The following ZHX3 variants were observed in gnomAD, a reference collection of about 807,000 sequenced individuals.
The protein encoded by ZHX3 is zinc fingers and homeoboxes 3, also known as zinc fingers and homeoboxes protein 3.
Under a neutral mutation model 64.5 loss-of-function variants are expected in ZHX3, and 20 were observed. The ratio of observed to expected loss-of-function variants is 0.31; its 90% CI spans 0.22 to 0.45. The LOEUF (loss-of-function observed/expected upper bound fraction) is 0.45. ZHX3 is among the 20% of genes least tolerant of loss of function. ZHX3 has a pLI of 1.00. For missense variants in ZHX3, 1,041 were observed against 1,195.8 expected, an observed-to-expected ratio of 0.87 and a Z score of 1.91; for synonymous variants, 423 against 461.6, an observed-to-expected ratio of 0.92 and a Z score of 1.07.
chr20:41,222,657 A>G (rs1449205992), intron 2 of ZHX3, among the ~76,000 whole-genome samples: 2 of 152,238 alleles, frequency 1.3e-5, no homozygotes, highest in Non-Finnish European at 2.9e-5. Context: ...GGTGTGAGAC[A>G]GCGCCTTTCA....
chr20:41,225,742 C>A (rs1456751060), intron 2 of ZHX3, among the ~76,000 whole-genome samples: 1 of 152,180 alleles, frequency 6.6e-6, no homozygotes, highest in Admixed American at 6.5e-5. Context: ...CCTGCCTTGG[C>A]CTCCCAAAGT....
At chr20:41,289,264 G>C (rs900279910) in intron 1 of ZHX3, among the ~76,000 whole-genome samples, 1 of 152,004 alleles carries the variant, frequency 6.6e-6, no homozygotes, top group Non-Finnish European at 1.5e-5. Flanking sequence ...GCCTCCCAAA[G>C]TGCTGGGATT....
intron 1 of ZHX3, among the ~76,000 whole-genome samples, chr20:41,271,613 C>T (rs1297541593): frequency 2.0e-5 from 3 of 152,122 alleles, no homozygotes; most frequent in African/African-American, 7.2e-5. Flanking sequence ...CCAAAAACAG[C>T]ACTGACTGTG....
intron 1 of ZHX3, among the ~76,000 whole-genome samples, chr20:41,296,436 G>C (rs765369272): frequency 3.3e-5 from 5 of 152,066 alleles, no homozygotes; most frequent in Non-Finnish European, 5.9e-5. Context: ...CAAGAGATCT[G>C]AGCTCAAGTT....
chr20:41,202,959 C>G lies in ZHX3; in HGVS notation c.1958G>C (p.Arg653Pro). ...DRLRSETKMT[R>P]REIDSWFSER... ...TGAAAACCAGCTATCAATTTCTCGTCGGGTCATTTTGGTTTCACTTCTCAG... is the reference window on the plus strand; with the variant it reads ...TGAAAACCAGCTATCAATTTCTCGTGGGGTCATTTTGGTTTCACTTCTCAG... The change falls in exon 3 of 4, where the codon CGA becomes CCA. Residue 653 changes from arginine to proline, a missense_variant. Coordinates refer to ENST00000683867, the MANE Select transcript of ZHX3 (RefSeq NM_001384317.1). The surrounding 1 kb of genome is among the most constrained non-coding windows in gnomAD (Gnocchi z 7.0). 1 of 1,614,078 alleles carries G rather than the reference C, an allele frequency of 6.2e-7. No homozygotes were observed. The highest frequency in any genetic ancestry group is 1.3e-5 in the African/African-American group (1 of 74,998).
intron 2 of ZHX3, among the ~76,000 whole-genome samples, chr20:41,218,881 A>G (rs2039734810): frequency 6.6e-6 from 1 of 151,440 alleles, no homozygotes; most frequent in Non-Finnish European, 1.5e-5. Context: ...CAAGGGCTCA[A>G]GGCTAGAGCT....
At chr20:41,248,748 C>T (rs998876603) in intron 2 of ZHX3, among the ~76,000 whole-genome samples, 11 of 152,294 alleles carry the variant, frequency 7.2e-5, no homozygotes, top group Admixed American at 4.6e-4. Context: ...CAGTGTTTGA[C>T]GATGCCAGTT....
chr20:41,289,941 T>TA (rs1427216449), intron 1 of ZHX3, among the ~76,000 whole-genome samples: 2 of 152,212 alleles, frequency 1.3e-5, no homozygotes, highest in East Asian at 3.8e-4. Flanking sequence ...ACCTAGAAAC[T>TA]AAAAACTAAT....
Position 41,204,459 on chromosome 20 carries a change from T to G in ZHX3, c.458A>C (p.Gln153Pro). The change falls in exon 3 of 4, where the codon CAG (glutamine) becomes CCG (proline). Residue 153 changes from glutamine to proline, a missense_variant. Physicochemically the swap from Gln to Pro is moderately conservative, Grantham distance 76. Transcript: ENST00000683867. This position sits in a 1 kb window ranked among gnomAD's most constrained non-coding sequence, Gnocchi z 6.6. ...AGTGCTGGTGCTCTCAGGGATGCTC[T>G]GCTCCACAACCACATGATTGTCTGG... Reference protein sequence around the residue: ...AKPDNHVVVEQSIPESTSTPD... With the variant: ...AKPDNHVVVEPSIPESTSTPD... 2 of 1,614,236 alleles carry G rather than the reference T, an allele frequency of 1.2e-6. No homozygotes were observed. Among genetic ancestry groups the G allele is most frequent in the Non-Finnish European group, 1.7e-6 (2 of 1,180,044 alleles).
intron 1 of ZHX3, among the ~76,000 whole-genome samples, chr20:41,304,224 C>T (rs2044907961): frequency 1.3e-5 from 2 of 152,154 alleles, no homozygotes. Context: ...CTTTATACTT[C>T]CTCTTACTCT....
At chr20:41,301,424 T>C (rs1218842595) in intron 1 of ZHX3, among the ~76,000 whole-genome samples, 2 of 152,214 alleles carry the variant, frequency 1.3e-5, no homozygotes, top group African/African-American at 2.4e-5. Flanking sequence ...TCTTGAGTGA[T>C]ATGGGACCTG....
intron 2 of ZHX3, among the ~76,000 whole-genome samples, chr20:41,210,186 G>A (rs2039049921): frequency 6.6e-6 from 1 of 152,228 alleles, no homozygotes; most frequent in African/African-American, 2.4e-5. Flanking sequence ...CCATTAAAAT[G>A]TCAGGAAACA....
Position 41,202,233 on chromosome 20 carries a change from G to A in ZHX3, c.2684C>T (p.Ala895Val). ...EKMGEETRAV[A>V]DTGSEDQGPG... ...GCCCTGGTCCTCACTGCCTGTGTCT[G>A]CCACGGCTCTGGTCTCCTCCCCCAT... is the stretch of plus-strand genomic sequence containing the variant. Residue 895 changes from alanine to valine, a missense_variant, in exon 3 of 4, where the codon GCA (alanine) becomes GTA (valine). Ala to Val is a moderately conservative substitution (Grantham distance 64). Transcript: ENST00000683867. This position sits in a 1 kb window ranked among gnomAD's most constrained non-coding sequence, Gnocchi z 7.0. 6.2e-7 allele frequency: 1 copy of A among 1,614,086 alleles called. No individual in the cohort carries two copies. The highest frequency in any genetic ancestry group is 8.5e-7 in the Non-Finnish European group (1 of 1,180,018).
At position 41,185,279 on chromosome 20, in the gene ZHX3, C is replaced by A; in HGVS notation, c.2861-78G>T. 2 of 1,498,986 alleles carry A rather than the reference C, an allele frequency of 1.3e-6. No homozygotes were observed. Among genetic ancestry groups the A allele is most frequent in the Admixed American group, 4.3e-5 (2 of 46,534 alleles). 92.9% of individuals were successfully genotyped at this position (1,498,986 alleles called of 1,614,324 possible). ...CCCAGGCAGCCTGGTCCTTGCTATACCAGGGTGGCATCACTGGCTTTGAGG... is the reference window on the plus strand; with the variant it reads ...CCCAGGCAGCCTGGTCCTTGCTATAACAGGGTGGCATCACTGGCTTTGAGG... On this transcript the variant is annotated intron_variant, in intron 3 of 3. Transcript: ENST00000683867. This position sits in a 1 kb window ranked among gnomAD's most constrained non-coding sequence, Gnocchi z 5.0.
chr20:41,215,085 C>T (rs1048064926), intron 2 of ZHX3, among the ~76,000 whole-genome samples: 7 of 151,922 alleles, frequency 4.6e-5, no homozygotes, highest in African/African-American at 1.7e-4. Context: ...GGTGAAACCC[C>T]GTCTCTACTA....
At chr20:41,307,390 A>G (rs1244457522) in intron 1 of ZHX3, among the ~76,000 whole-genome samples, 1 of 152,004 alleles carries the variant, frequency 6.6e-6, no homozygotes, top group Admixed American at 6.6e-5. Context: ...TTAGAGCTCT[A>G]TTTTCCCTCC....
chr20:41,211,365 C>A (rs574014657), intron 2 of ZHX3, among the ~76,000 whole-genome samples: 1 of 151,980 alleles, frequency 6.6e-6, no homozygotes, highest in Non-Finnish European at 1.5e-5. Flanking sequence ...TAAATAAACA[C>A]GGCTATTTTA....
At chr20:41,303,410 A>C (rs1350126711) in intron 1 of ZHX3, among the ~76,000 whole-genome samples, 1 of 152,210 alleles carries the variant, frequency 6.6e-6, no homozygotes, top group African/African-American at 2.4e-5. Context: ...TGAGAAGCAA[A>C]AATCAACTCC....
intron 2 of ZHX3, among the ~76,000 whole-genome samples, chr20:41,252,448 T>C (rs1331157052): frequency 6.6e-6 from 1 of 152,158 alleles, no homozygotes; most frequent in Non-Finnish European, 1.5e-5. Context: ...TGTGAGTACG[T>C]CTTAGTCCCC....
Sources: gnomAD v4.1 joint callset for allele counts (sites outside exome capture counted in the v4.1 genomes callset) on GRCh38, gnomAD v4.1.1 for gene constraint, Gnocchi (gnomAD v3.1) non-coding constraint, MANE v1.5 for transcripts, NCBI Gene and HGNC (gene_info 2026-07-23, HGNC 2026-07-21) for gene names.